AHNAK2: variants seen among roughly 807,000 people sequenced by gnomAD.
The protein encoded by AHNAK2 is AHNAK nucleoprotein 2.
In AHNAK2, 18 loss-of-function variants were observed where a neutral mutation model predicts 30.7. That is an observed-to-expected ratio of 0.59 (90% CI 0.41 to 0.87). The LOEUF (loss-of-function observed/expected upper bound fraction) is 0.87. AHNAK2 is among the 40% of genes least tolerant of loss of function. The pLI is 0.00. For synonymous variants in AHNAK2, 3,590 were observed against 3,073.8 expected, an observed-to-expected ratio of 1.17 and a Z score of -5.56; for missense variants, 8,604 against 7,373.0, an observed-to-expected ratio of 1.17 and a Z score of -6.11.
rs1566921680 is a variant in AHNAK2 at position 104,955,495 on chromosome 14, T to G, written c.454A>C (p.Asn152His). 6.2e-7 allele frequency: 1 copy of G among 1,613,136 alleles called. No individual in the cohort carries two copies. The highest frequency in any genetic ancestry group is 1.1e-5 in the South Asian group (1 of 90,908). Residue 152 changes from asparagine to histidine, a missense_variant, in exon 5 of 7, where the codon AAC becomes CAC. Coordinates refer to ENST00000333244, the MANE Select transcript of AHNAK2 (RefSeq NM_138420.4). ...LKDSSAAKLF[N>H]LREGDQLLST... is the part of the protein sequence containing the mutation. ...ACTGCCATGGCACCTTCTCTCAAGTTAAAAAGCTTGGCGGCTGAGGAGTCC... is the reference window on the plus strand; with the variant it reads ...ACTGCCATGGCACCTTCTCTCAAGTGAAAAAGCTTGGCGGCTGAGGAGTCC...
At position 104,953,077 on chromosome 14, in the gene AHNAK2, C is replaced by G. The variant is rs779497509; in HGVS notation, c.2374G>C (p.Val792Leu). ...GPKAEVTAPD[V>L]KMSLSSMEVD... is the part of the protein sequence containing the mutation. ...TCCATGCTGGACAGAGACATCTTCA[C>G]ATCGGGGGCTGTCACTTCCGCCTTG... The change falls in exon 7 of 7, where the codon GTG (valine) becomes CTG (leucine). Residue 792 changes from valine to leucine, a missense_variant. Physicochemically the swap from Val to Leu is conservative, Grantham distance 32. Coordinates refer to ENST00000333244, the MANE Select transcript of AHNAK2 (RefSeq NM_138420.4). The G allele has an allele frequency of 6.2e-7, 1 of 1,613,478 alleles. No individual in the cohort carries two copies.
In AHNAK2 at chr14:104,946,304, G is replaced by T. The variant is rs745777927; in HGVS notation, c.9147C>A (p.Gly3049=). 6.2e-7 allele frequency: 1 copy of T among 1,612,122 alleles called. No individual in the cohort carries two copies. The highest frequency in any genetic ancestry group is 1.3e-5 in the African/African-American group (1 of 74,434). The change falls in exon 7 of 7, where the codon GGC becomes GGA. Residue 3049 remains glycine, a synonymous_variant. Coordinates refer to ENST00000333244, the MANE Select transcript of AHNAK2 (RefSeq NM_138420.4). ...TGAGGCCAGCTCCCTCGGGAACGTG[G>T]CCCTCTGGGAGCTTCAGGTCCACCT... The part of the protein sequence containing the change: ...AGQVDLKLPE[G]HVPEGAGLKG...
chr14:104,941,413 G>A lies in AHNAK2; in HGVS notation c.14038C>T (p.Pro4680Ser). Residue 4680 changes from proline to serine, a missense_variant, in exon 7 of 7, where the codon CCA becomes TCA. By Grantham distance (74) the Pro-to-Ser change is moderately conservative (BLOSUM62 -1). Transcript: ENST00000333244. ...SVVHEGDLHD[P>S]SRDGNLGLAV... is the part of the protein sequence containing the mutation. ...AGCCCCAAGTTACCATCGCGAGATGGATCATGAAGATCACCTTCATGAACA... is the reference window on the plus strand; with the variant it reads ...AGCCCCAAGTTACCATCGCGAGATGAATCATGAAGATCACCTTCATGAACA... 1 of 1,613,134 alleles carries A rather than the reference G, an allele frequency of 6.2e-7. No individual in the cohort carries two copies. The highest frequency in any genetic ancestry group is 8.5e-7 in the Non-Finnish European group (1 of 1,179,762).
Position 104,956,669 on chromosome 14 carries a change from T to C in AHNAK2, c.234A>G (p.Gln78=). The change falls in exon 4 of 7, where the codon CAA becomes CAG. Residue 78 remains glutamine, a synonymous_variant. Transcript: ENST00000333244. The stretch of plus-strand genomic sequence containing the variant: ...AGGATCTCCGTCTCCCAGCAGAACC[T>C]TGCCTGCCGGGGGCGTCTTCCTGCA... ...FGLQEDAPGR[Q]GSAGRRRSWW... The C allele has an allele frequency of 6.2e-7, 1 of 1,613,738 alleles. No homozygotes were observed. The highest frequency in any genetic ancestry group is 2.2e-5 in the East Asian group (1 of 44,868).
In AHNAK2 at chr14:104,942,885, T is replaced by A. The variant is rs755955543; in HGVS notation, c.12566A>T (p.Asp4189Val). 1.9e-6 allele frequency: 3 copies of A among 1,612,470 alleles called. No homozygotes were observed. Among genetic ancestry groups the A allele is most frequent in the East Asian group, 4.5e-5 (2 of 44,690 alleles). ...CACTTGGCCAGCCTGGACCTCCAGG[T>A]CGGCGGAAGGGGACTGAATGCTGAG... Reference protein sequence around the residue: ...TDLSIQSPSADLEVQAGQVDV... With the variant: ...TDLSIQSPSAVLEVQAGQVDV... Residue 4189 changes from aspartate (D) to valine (V), a missense_variant, in exon 7 of 7, where the codon GAC becomes GTC. Physicochemically the swap from Asp to Val is radical, Grantham distance 152. Transcript: ENST00000333244.
At chr14:104,965,237 C>T (rs185983944) in intron 1 of AHNAK2, among the ~76,000 whole-genome samples, 651 of 152,016 alleles carry the variant, frequency 4.3e-3, no homozygotes, top group African/African-American at 0.015. Flanking sequence ...CCCATCTCTA[C>T]TAAAAATACA....
intron 1 of AHNAK2, among the ~76,000 whole-genome samples, chr14:104,969,434 C>T (rs187625255): frequency 9.8e-5 from 15 of 152,382 alleles, no homozygotes; most frequent in African/African-American, 2.6e-4. Context: ...CTGGGCTTTC[C>T]CAGGCTGTCT....
chr14:104,974,152 G>A (rs1899542780), intron 1 of AHNAK2, among the ~76,000 whole-genome samples: 2 of 152,254 alleles, frequency 1.3e-5, no homozygotes, highest in Admixed American at 6.5e-5. Flanking sequence ...GGTGGGGCCT[G>A]GTGGAGACAC....
In AHNAK2 at chr14:104,945,557, G is replaced by C. The variant is rs751707442; in HGVS notation, c.9894C>G (p.Asp3298Glu). Residue 3298 changes from aspartate to glutamate, a missense_variant, in exon 7 of 7, where the codon GAC becomes GAG. Asp to Glu is a conservative substitution (Grantham distance 45). Coordinates refer to ENST00000333244, the MANE Select transcript of AHNAK2 (RefSeq NM_138420.4). Reference protein sequence around the residue: ...ARLEGDLSLADKDVTAKDSKF... With the variant: ...ARLEGDLSLAEKDVTAKDSKF... ...TGCTGTCTTTGGCAGTCACATCCTT[G>C]TCGGCCAGGGACAGGTCCCCCTCCA... 5 of 1,606,704 alleles carry C rather than the reference G, an allele frequency of 3.1e-6. No homozygotes were observed. In the African/African-American group the frequency reaches 6.9e-5, roughly 22 times the overall value.
chr14:104,940,029 A>G lies in AHNAK2; in HGVS notation c.15422T>C (p.Val5141Ala), dbSNP rs1169601565. The G allele has an allele frequency of 1.5e-5, 24 of 1,611,102 alleles. No homozygotes were observed. The highest frequency in any genetic ancestry group is 2.0e-5 in the Non-Finnish European group (24 of 1,178,312). ...CTCCCCACAAGGCTGGCTCACTGGG[A>G]CATCCCCGAGCCCACATCCTCTGCT... ...GDSRGCGLGD[V>A]PVSQPCGEGI... The change falls in exon 7 of 7, where the codon GTC (valine) becomes GCC (alanine). Residue 5141 changes from valine to alanine, a missense_variant. Coordinates refer to ENST00000333244, the MANE Select transcript of AHNAK2 (RefSeq NM_138420.4). The surrounding 1 kb of genome is among the most constrained non-coding windows in gnomAD (Gnocchi z 4.4).
In AHNAK2 at chr14:104,943,372, C is replaced by T. The variant is rs748294404; in HGVS notation, c.12079G>A (p.Val4027Ile). The change falls in exon 7 of 7, where the codon GTC (valine) becomes ATC (isoleucine). Residue 4027 changes from valine to isoleucine, a missense_variant. By Grantham distance (29) the Val-to-Ile change is conservative. Transcript: ENST00000333244. ...TTCACGTCCACTTGGCCAGCCTGGA[C>T]CTCCAGGTCAGCGGAAGGGGGCTGA... Reference protein sequence around the residue: ...SVQPPSADLEVQAGQVDVKLP... With the variant: ...SVQPPSADLEIQAGQVDVKLP... 6.2e-7 allele frequency: 1 copy of T among 1,613,046 alleles called. No homozygotes were observed. Among genetic ancestry groups the T allele is most frequent in the South Asian group, 1.1e-5 (1 of 91,044 alleles).
Position 104,952,909 on chromosome 14 carries a change from G to C in AHNAK2, c.2542C>G (p.Pro848Ala), listed in dbSNP as rs1595420357. 6.2e-7 allele frequency: 1 copy of C among 1,611,764 alleles called. No individual in the cohort carries two copies. Among genetic ancestry groups the C allele is most frequent in the Non-Finnish European group, 8.5e-7 (1 of 1,179,382 alleles). ...FKMPSFGVSA[P>A]GKSMEDSVDV... ...ACCGAGTCCTCCATGGACTTGCCTGGGGCCGACACCCCGAATGATGGCATC... is the reference window on the plus strand; with the variant it reads ...ACCGAGTCCTCCATGGACTTGCCTGCGGCCGACACCCCGAATGATGGCATC... The change falls in exon 7 of 7, where the codon CCA becomes GCA. Residue 848 changes from proline to alanine, a missense_variant. Physicochemically the swap from Pro to Ala is conservative, Grantham distance 27 (BLOSUM62 -1). Transcript: ENST00000333244.
chr14:104,946,725 A>G lies in AHNAK2; in HGVS notation c.8726T>C (p.Val2909Ala). 16 of 1,612,008 alleles carry G rather than the reference A, an allele frequency of 9.9e-6. No individual in the cohort carries two copies. The highest frequency in any genetic ancestry group is 1.4e-5 in the Non-Finnish European group (16 of 1,179,302). The change falls in exon 7 of 7, where the codon GTG becomes GCG. Residue 2909 changes from valine (V) to alanine (A), a missense_variant. By Grantham distance (64) the Val-to-Ala change is moderately conservative (BLOSUM62 0). Coordinates refer to ENST00000333244, the MANE Select transcript of AHNAK2 (RefSeq NM_138420.4). ...GTCTATCTGGGGGCCCTTGAGATCC[A>G]CTTTGGGCATCTTGAAACTGGGCAT... ...VQMPSFKMPK[V>A]DLKGPQIDVK...
chr14:104,957,622 C>T lies in AHNAK2; in HGVS notation c.106G>A (p.Asp36Asn), dbSNP rs749609906. ...CTCCTGCTCTCACTTACAGAGTGGTCATCTTCCGTTTCTGCACCTGGCTCC... is the reference window on the plus strand; with the variant it reads ...CTCCTGCTCTCACTTACAGAGTGGTTATCTTCCGTTTCTGCACCTGGCTCC... ...PGEPGAETED[D>N]HSVTEGPADE... The change falls in exon 2 of 7, where the codon GAC (aspartate) becomes AAC (asparagine). Residue 36 changes from aspartate to asparagine, a missense_variant. Transcript: ENST00000333244. 2 of 1,611,020 alleles carry T rather than the reference C, an allele frequency of 1.2e-6. No homozygotes were observed. The highest frequency in any genetic ancestry group is 1.3e-5 in the African/African-American group (1 of 75,024).
rs1352385027 is a variant in AHNAK2, at chr14:104,953,207, C to A, written c.2244G>T (p.Leu748=). 1 of 1,613,038 alleles carries A rather than the reference C, an allele frequency of 6.2e-7. No individual in the cohort carries two copies. Among genetic ancestry groups the A allele is most frequent in the African/African-American group, 1.3e-5 (1 of 74,602 alleles). The change falls in exon 7 of 7, where the codon CTG becomes CTT. Residue 748 remains leucine, a synonymous_variant. Coordinates refer to ENST00000333244, the MANE Select transcript of AHNAK2 (RefSeq NM_138420.4). ...QVDVKLPEGP[L]PEGASLKGHL... is the part of the protein sequence containing the mutation. Reference sequence around the variant, plus strand: ...GCCCTTTGAGGCTGGCTCCCTCGGGCAGGGGGCCCTCCGGAAGTTTCACAT... The same window carrying A: ...GCCCTTTGAGGCTGGCTCCCTCGGGAAGGGGGCCCTCCGGAAGTTTCACAT...
At position 104,941,074 on chromosome 14, in the gene AHNAK2, T is replaced by C; in HGVS notation, c.14377A>G (p.Thr4793Ala). The change falls in exon 7 of 7, where the codon ACA (threonine) becomes GCA (alanine). Residue 4793 changes from threonine (T) to alanine (A), a missense_variant. Transcript: ENST00000333244. ...ILSPCEDVTL[T>A]KYQVTVPRAA... Reference sequence around the variant, plus strand: ...CTGGGAACAGTCACCTGGTATTTTGTAAGTGTAACATCCTCACAGGGAGAG... The same window carrying C: ...CTGGGAACAGTCACCTGGTATTTTGCAAGTGTAACATCCTCACAGGGAGAG... 8.7e-6 allele frequency: 14 copies of C among 1,613,642 alleles called. No individual in the cohort carries two copies. Among genetic ancestry groups the C allele is most frequent in the African/African-American group, 1.3e-5 (1 of 75,018 alleles).
rs747841157 is a variant in AHNAK2, at chr14:104,950,154, G to A, written c.5297C>T (p.Pro1766Leu). The A allele has an allele frequency of 1.1e-5, 18 of 1,585,970 alleles. 2 individuals are homozygous for A. The Admixed American group carries it at 1.7e-4, about 15-fold the overall frequency. ...CTTGGGGCCTTTCAGGTCCAGCTTG[G>A]GGCCCTTGACGTCCATCTGGGGGCC... ...LKGPQMDVKG[P>L]KLDLKGPKAE... The change falls in exon 7 of 7, where the codon CCC becomes CTC. Residue 1766 changes from proline (P) to leucine (L), a missense_variant. By Grantham distance (98) the Pro-to-Leu change is moderately conservative (BLOSUM62 -3). Coordinates refer to ENST00000333244, the MANE Select transcript of AHNAK2 (RefSeq NM_138420.4).
At chr14:104,960,726 C>T (rs936816416) in intron 1 of AHNAK2, among the ~76,000 whole-genome samples, 4 of 152,192 alleles carry the variant, frequency 2.6e-5, no homozygotes, top group African/African-American at 7.2e-5. Flanking sequence ...AATGTTTGCA[C>T]AACTCTATAA....
rs772349983 is a variant in AHNAK2, at chr14:104,957,475, G to A, written c.148C>T (p.Pro50Ser). The A allele has an allele frequency of 2.5e-6, 4 of 1,602,072 alleles. No individual in the cohort carries two copies. The South Asian group carries it at 3.3e-5, about 13-fold the overall frequency. ...ACAGGTGAAGACCCCTGCGGCCGTG[G>A]TCGAATGCCCTCATCCGCAGGCCCT... ...TEGPADEGIRPRPQGSSPVYE... is the reference protein window; with the variant it reads ...TEGPADEGIRSRPQGSSPVYE... The change falls in exon 3 of 7, where the codon CCA becomes TCA. Residue 50 changes from proline (P) to serine (S), a missense_variant. Physicochemically the swap from Pro to Ser is moderately conservative, Grantham distance 74. Transcript: ENST00000333244.
Sources: allele counts gnomAD v4.1 joint callset (sites outside exome capture counted in the v4.1 genomes callset), GRCh38; gene constraint gnomAD v4.1.1; non-coding constraint Gnocchi (gnomAD v3.1); transcripts MANE v1.5; gene names NCBI Gene and HGNC (gene_info 2026-07-23, HGNC 2026-07-21).